Variants in ZNF16 observed in about 807,000 individuals in gnomAD.
The protein encoded by ZNF16 is zinc finger protein 16, also known as zinc finger protein KOX9.
A neutral mutation model predicts 9.0 loss-of-function variants in ZNF16; 7 were observed. That is an observed-to-expected ratio of 0.78 (90% CI 0.44 to 1.47). ZNF16 has a LOEUF of 1.47. Among genes scored for constraint, ZNF16 ranks in the 40% most tolerant of loss-of-function variants. The pLI is 0.01. For missense variants in ZNF16, 830 were observed against 854.2 expected (o/e 0.97, Z 0.35); for synonymous variants, 312 against 301.5 (o/e 1.03, Z -0.36).
At position 144,931,447 on chromosome 8, in the gene ZNF16, C is replaced by A. The variant is rs750028588; in HGVS notation, c.1340G>T (p.Ser447Ile). The A allele has an allele frequency of 4.3e-6, 7 of 1,613,808 alleles. No individual in the cohort carries two copies. Among genetic ancestry groups the A allele is most frequent in the African/African-American group, 1.3e-5 (1 of 74,834 alleles). ...DCGKAFSQSS[S>I]LIQHRRIHTG... is the part of the protein sequence containing the mutation. ...GTGAATTCTCCGATGCTGAATAAGG[C>A]TGGAGCTCTGACTAAATGCTTTCCC... Residue 447 changes from serine to isoleucine, a missense_variant, in exon 3 of 3, where the codon AGC becomes ATC. By Grantham distance (142) the Ser-to-Ile change is moderately radical. Transcript: ENST00000394909.
At chr8:144,942,272 C>T (rs547030803) in intron 2 of ZNF16, among the ~76,000 whole-genome samples, 2 of 150,842 alleles carry the variant, frequency 1.3e-5, no homozygotes, top group East Asian at 3.9e-4. Flanking sequence ...GCCACCATGC[C>T]TGGCCCATTT....
chr8:144,949,520 T>C (rs1834040367), intron 1 of ZNF16, among the ~76,000 whole-genome samples: 1 of 152,258 alleles, frequency 6.6e-6, no homozygotes, highest in Non-Finnish European at 1.5e-5. Context: ...AATTCCATTT[T>C]GACCTGTACC....
intron 1 of ZNF16, among the ~76,000 whole-genome samples, chr8:144,946,944 A>G (rs1237247287): frequency 1.8e-4 from 14 of 77,374 alleles, no homozygotes; most frequent in African/African-American, 8.2e-4. Flanking sequence ...GTGGGCCTGT[A>G]CCCTGCTGTG....
chr8:144,946,017 G>A lies in ZNF16; in HGVS notation c.190C>T (p.Gln64Ter), dbSNP rs775395637. 3.7e-6 allele frequency: 6 copies of A among 1,613,568 alleles called. No homozygotes were observed. The Admixed American group carries it at 8.3e-5, about 22-fold the overall frequency. Residue 64 changes from glutamine (Q) to a stop codon, truncating the protein, a stop_gained, in exon 2 of 3, where the codon CAG becomes TAG. Coordinates refer to ENST00000394909, the MANE Select transcript of ZNF16 (RefSeq NM_006958.3). LOFTEE classifies it low-confidence loss of function (END_TRUNC). ...AGAACTGTTCTTAAAGTACCTGGCT[G>A]CTGATAGTGAGGGCAGATGGCTTCC... Reference protein sequence around the residue: ...ELEAICPHYQQPDCDTRTEDK... With the variant: ...ELEAICPHYQ
At position 144,930,889 on chromosome 8, in the gene ZNF16, T is replaced by C; in HGVS notation, c.1898A>G (p.Glu633Gly). Reference protein sequence around the residue: ...HTGERPYKCSECGKAFSQRSV... With the variant: ...HTGERPYKCSGCGKAFSQRSV... ...ACGCTGACTGAAGGCTTTCCCACAC[T>C]CACTGCATTTGTAGGGGCGCTCGCC... The change falls in exon 3 of 3, where the codon GAG becomes GGG. Residue 633 changes from glutamate to glycine, a missense_variant. Transcript: ENST00000394909. 6.2e-7 allele frequency: 1 copy of C among 1,609,450 alleles called. No individual in the cohort carries two copies. Among genetic ancestry groups the C allele is most frequent in the Non-Finnish European group, 8.5e-7 (1 of 1,177,548 alleles).
At chr8:144,938,010 A>G (rs1833723582) in intron 2 of ZNF16, among the ~76,000 whole-genome samples, 1 of 152,144 alleles carries the variant, frequency 6.6e-6, no homozygotes, top group African/African-American at 2.4e-5. Context: ...TTGTCTCAGC[A>G]CCATTTGCAG....
chr8:144,939,161 T>C (rs1040839446), intron 2 of ZNF16, among the ~76,000 whole-genome samples: 3 of 152,190 alleles, frequency 2.0e-5, no homozygotes, highest in Admixed American at 2.0e-4. Context: ...ATAAAGGATA[T>C]TGGTTTGTAA....
chr8:144,949,903 A>C (rs770118619), intron 1 of ZNF16, among the ~76,000 whole-genome samples: 9 of 152,314 alleles, frequency 5.9e-5, no homozygotes, highest in African/African-American at 1.9e-4. Flanking sequence ...GTGGATTGGT[A>C]AAAGAGAAAA....
rs1833572283 is a variant in ZNF16, at chr8:144,932,287, T to C, written c.500A>G (p.Asn167Ser). The C allele has an allele frequency of 6.2e-7, 1 of 1,614,168 alleles. No homozygotes were observed. Among genetic ancestry groups the C allele is most frequent in the Non-Finnish European group, 8.5e-7 (1 of 1,180,044 alleles). ...AGGGATTTCCTGACATGCCATCAGG[T>C]TTGGGCTCAGACTGAAGCGACTGTC... ...GFDSRFSLSPNLMACQEIPTE... is the reference protein window; with the variant it reads ...GFDSRFSLSPSLMACQEIPTE... The change falls in exon 3 of 3, where the codon AAC (asparagine) becomes AGC (serine). Residue 167 changes from asparagine (N) to serine (S), a missense_variant. Asn to Ser is a conservative substitution (Grantham distance 46, BLOSUM62 1). Transcript: ENST00000394909. This position sits in a 1 kb window ranked among gnomAD's most constrained non-coding sequence, Gnocchi z 5.0.
At chr8:144,942,243 G>T (rs1833820014) in intron 2 of ZNF16, among the ~76,000 whole-genome samples, 1 of 151,570 alleles carries the variant, frequency 6.6e-6, no homozygotes, top group African/African-American at 2.4e-5. Flanking sequence ...CTCCCAAAGT[G>T]CTGGGATTAC....
intron 1 of ZNF16, among the ~76,000 whole-genome samples, chr8:144,949,683 C>T (rs994602213): frequency 6.6e-6 from 1 of 152,184 alleles, no homozygotes; most frequent in African/African-American, 2.4e-5. Flanking sequence ...AAAATGTTTA[C>T]AAGCAGATGC....
intron 2 of ZNF16, among the ~76,000 whole-genome samples, chr8:144,936,914 T>C (rs1833695064): frequency 2.0e-5 from 3 of 151,976 alleles, no homozygotes; most frequent in African/African-American, 7.3e-5. Context: ...AGCATGGTCT[T>C]AAACTCCTGA....
rs1833615161 is a variant in ZNF16, at chr8:144,933,879, C to T, written c.197-1289G>A. 6.6e-6 allele frequency among the ~76,000 whole-genome samples: 1 copy of T among 152,180 alleles called. No individual in the cohort carries two copies. The highest frequency in any genetic ancestry group is 1.5e-5 in the Non-Finnish European group (1 of 68,036). On this transcript the variant is annotated intron_variant, in intron 2 of 2. Transcript: ENST00000394909. This position sits in a 1 kb window ranked among gnomAD's most constrained non-coding sequence, Gnocchi z 5.6. ...AGCACCCCACCTACTTTCCTTGCCC[C>T]CACCCTGGCTGTCACCCACAGCCTG... is the stretch of plus-strand genomic sequence containing the variant.
chr8:144,942,866 C>T (rs1461860105), intron 2 of ZNF16, among the ~76,000 whole-genome samples: 1 of 152,218 alleles, frequency 6.6e-6, no homozygotes, highest in African/African-American at 2.4e-5. Flanking sequence ...CAACTTAATA[C>T]AAAGTGTACT....
rs1277058211 is a variant in ZNF16, at chr8:144,931,940, G to A, written c.847C>T (p.His283Tyr). The change falls in exon 3 of 3, where the codon CAT becomes TAT. Residue 283 changes from histidine to tyrosine, a missense_variant. By Grantham distance (83) the His-to-Tyr change is moderately conservative. Coordinates refer to ENST00000394909, the MANE Select transcript of ZNF16 (RefSeq NM_006958.3). ...CTCTCACTGCTGTGGTGACTCTGAT[G>A]CCTAGAAAAGTCTGAGTGCCCTCGG... ...AFRGHSDFSRHQSHHSSERPY... is the reference protein window; with the variant it reads ...AFRGHSDFSRYQSHHSSERPY... The A allele has an allele frequency of 6.2e-7, 1 of 1,613,556 alleles. No individual in the cohort carries two copies. The highest frequency in any genetic ancestry group is 8.5e-7 in the Non-Finnish European group (1 of 1,179,546).
At chr8:144,935,937 T>C (rs1283424110) in intron 2 of ZNF16, among the ~76,000 whole-genome samples, 1 of 152,178 alleles carries the variant, frequency 6.6e-6, no homozygotes, top group African/African-American at 2.4e-5. Flanking sequence ...TTTACTGAGG[T>C]GAAATTAACA....
intron 2 of ZNF16, among the ~76,000 whole-genome samples, chr8:144,936,643 A>T (rs1833688082): frequency 6.6e-6 from 1 of 152,150 alleles, no homozygotes; most frequent in South Asian, 2.1e-4. Context: ...TAATGATGTT[A>T]AGCATCTTTT....
intron 1 of ZNF16, 133 bp downstream of exon 1, chr8:144,950,664 C>T (rs1834093588): frequency 6.6e-6 from 1 of 150,572 alleles, no homozygotes; most frequent in African/African-American, 2.4e-5. Context: ...CCGCGCGGCT[C>T]CGCCCCCGCC....
chr8:144,943,660 C>T (rs1833856266), intron 2 of ZNF16, among the ~76,000 whole-genome samples: 1 of 151,826 alleles, frequency 6.6e-6, no homozygotes, highest in Non-Finnish European at 1.5e-5. Context: ...GCTGGGACTA[C>T]AGGCATGCAT....
Sources: allele counts gnomAD v4.1 joint callset (sites outside exome capture counted in the v4.1 genomes callset), GRCh38; gene constraint gnomAD v4.1.1; non-coding constraint Gnocchi (gnomAD v3.1); transcripts MANE v1.5; gene names NCBI Gene and HGNC (gene_info 2026-07-23, HGNC 2026-07-21).